Variants in CNTRL observed in about 807,000 individuals in gnomAD.
The protein encoded by CNTRL is 110 kDa centrosomal protein.
CNTRL carries 233 observed loss-of-function variants against 303.7 expected under a neutral mutation model. The observed-to-expected ratio is 0.77, with a 90% CI of 0.69 to 0.86. The LOEUF (loss-of-function observed/expected upper bound fraction) is 0.86, where lower values mean the gene tolerates loss of function less well. CNTRL is among the 40% of genes least tolerant of loss of function. The pLI is 0.00. For missense variants in CNTRL, 2,524 were observed against 2,650.6 expected (o/e 0.95, Z 1.05); for synonymous variants, 900 against 922.2 (o/e 0.98, Z 0.44).
Position 121,158,139 on chromosome 9 carries a change from C to T in CNTRL, c.4764+30C>T, listed in dbSNP as rs1203796397. The T allele has an allele frequency of 1.9e-6, 3 of 1,610,534 alleles. No individual in the cohort carries two copies. In the East Asian group the frequency reaches 6.7e-5, roughly 36 times the overall value. ...GGCAATAGACACCTTGAAAAAACAACTGACACAGCACTTTATGATTATAAA... is the reference window on the plus strand; with the variant it reads ...GGCAATAGACACCTTGAAAAAACAATTGACACAGCACTTTATGATTATAAA... On this transcript the variant is annotated intron_variant, in intron 30 of 43. Transcript: ENST00000373855.
intron 32 of CNTRL, among the ~76,000 whole-genome samples, chr9:121,160,979 A>G (rs551094648): frequency 3.9e-5 from 6 of 152,224 alleles, no homozygotes; most frequent in Non-Finnish European, 7.3e-5. Flanking sequence ...ACCCTGTTCC[A>G]CCACACCCCC....
intron 8 of CNTRL, among the ~76,000 whole-genome samples, chr9:121,108,715 C>T (rs1023343916): frequency 6.6e-6 from 1 of 152,074 alleles, no homozygotes; most frequent in Non-Finnish European, 1.5e-5. Flanking sequence ...GCAAGGATCA[C>T]TTGAGGTCAG....
chr9:121,145,017 A>G lies in CNTRL; in HGVS notation c.3168+58A>G. On this transcript the variant is annotated intron_variant, in intron 21 of 43. Transcript: ENST00000373855. ...TCAGATTCTTATCAGTTCCTAAAAGACAAAATTACTGTAGGTGATGTCTCA... is the reference window on the plus strand; with the variant it reads ...TCAGATTCTTATCAGTTCCTAAAAGGCAAAATTACTGTAGGTGATGTCTCA... The G allele has an allele frequency of 4.2e-6, 6 of 1,419,306 alleles. No homozygotes were observed. In the South Asian group the frequency reaches 5.8e-5, roughly 14 times the overall value. 87.9% of individuals were successfully genotyped at this position (1,419,306 alleles called of 1,614,324 possible).
intron 2 of CNTRL, among the ~76,000 whole-genome samples, chr9:121,084,208 T>G (rs1195466924): frequency 6.6e-6 from 1 of 152,170 alleles, no homozygotes; most frequent in Non-Finnish European, 1.5e-5. Context: ...CTTATAATAT[T>G]TTTTGTCCAA....
chr9:121,174,958 G>C, intron 42 of CNTRL, 60 bp from the exon 43 acceptor site: 2 of 1,456,060 alleles, frequency 1.4e-6, no homozygotes, highest in Admixed American at 3.4e-5. Context: ...TGAGGAAGCT[G>C]AGCGGCAGTT....
intron 25 of CNTRL, among the ~76,000 whole-genome samples, chr9:121,151,592 A>G (rs370309711): frequency 4.6e-5 from 7 of 152,078 alleles, no homozygotes; most frequent in African/African-American, 1.7e-4. Context: ...GGGTTTCACC[A>G]TGTTGGCCAG....
intron 6 of CNTRL, among the ~76,000 whole-genome samples, chr9:121,097,651 G>T (rs941598049): frequency 1.3e-5 from 2 of 152,140 alleles, no homozygotes; most frequent in Non-Finnish European, 2.9e-5. Context: ...TTGATGCTAT[G>T]GGATGATGGG....
intron 7 of CNTRL, among the ~76,000 whole-genome samples, chr9:121,103,350 A>T (rs1051631983): frequency 3.3e-5 from 5 of 152,242 alleles, no homozygotes; most frequent in African/African-American, 1.2e-4. Context: ...AGCCATATGT[A>T]GAAAGCTGAA....
chr9:121,144,857 A>C lies in CNTRL; in HGVS notation c.3066A>C (p.Ala1022=), dbSNP rs1333424822. The change falls in exon 21 of 44, where the codon GCA becomes GCC. Residue 1022 remains alanine (A), a synonymous_variant. Transcript: ENST00000373855. ...NQERAEELQE[A]ERFSRKAAQA... The stretch of plus-strand genomic sequence containing the variant: ...TGTCCCAGTAGGAGTTGCAGGAAGC[A>C]GAGAGGTTCAGCAGAAAGGCAGCAC... 2 of 1,613,120 alleles carry C rather than the reference A, an allele frequency of 1.2e-6. No individual in the cohort carries two copies. Among genetic ancestry groups the C allele is most frequent in the Non-Finnish European group, 1.7e-6 (2 of 1,179,886 alleles).
At chr9:121,121,120 G>A (rs1451493434) in intron 12 of CNTRL, among the ~76,000 whole-genome samples, 2 of 152,150 alleles carry the variant, frequency 1.3e-5, no homozygotes, top group Non-Finnish European at 2.9e-5. Flanking sequence ...TATGTAATCA[G>A]ATGAAGTATC....
intron 5 of CNTRL, among the ~76,000 whole-genome samples, chr9:121,095,329 A>C (rs547353526): frequency 1.3e-5 from 2 of 152,324 alleles, no homozygotes; most frequent in Admixed American, 1.3e-4. Flanking sequence ...TTACCTTATT[A>C]CATTAAGAAT....
chr9:121,147,820 A>T (rs1359817667), intron 23 of CNTRL, among the ~76,000 whole-genome samples: 2 of 152,228 alleles, frequency 1.3e-5, no homozygotes, highest in African/African-American at 4.8e-5. Context: ...ATCCTAAAGG[A>T]AGCCAACTCC....
At chr9:121,164,527 G>A (rs559644820) in intron 34 of CNTRL, among the ~76,000 whole-genome samples, 1 of 152,294 alleles carries the variant, frequency 6.6e-6, no homozygotes, top group East Asian at 1.9e-4. Context: ...TAACTACGTT[G>A]AGTGAAAGAA....
At chr9:121,097,359 G>C (rs2048933019) in intron 6 of CNTRL, among the ~76,000 whole-genome samples, 1 of 152,044 alleles carries the variant, frequency 6.6e-6, no homozygotes, top group African/African-American at 2.4e-5. Flanking sequence ...TAAAACCACT[G>C]TTTGGGGAAA....
chr9:121,157,321 T>C, intron 27 of CNTRL, 149 bp from the exon 28 acceptor site: 1 of 703,226 alleles, frequency 1.4e-6, no homozygotes, highest in East Asian at 2.7e-5. Context: ...TTCTGAATTA[T>C]TTACCGAGAA....
rs370877372 is a variant in CNTRL at position 121,138,542 on chromosome 9, C to T, written c.2203-3C>T. Reference sequence around the variant, plus strand: ...TTCATGTCATTGCTTCCTATGGTGACAGTTAGAACAATCAGCCCTTCAAGC... The same window carrying T: ...TTCATGTCATTGCTTCCTATGGTGATAGTTAGAACAATCAGCCCTTCAAGC... On this transcript the variant is annotated splice_polypyrimidine_tract_variant and splice_region_variant and intron_variant, in intron 15 of 43. Transcript: ENST00000373855. 10 of 1,612,800 alleles carry T rather than the reference C, an allele frequency of 6.2e-6. No individual in the cohort carries two copies. The highest frequency in any genetic ancestry group is 8.5e-6 in the Non-Finnish European group (10 of 1,179,422).
rs192318787 is a variant in CNTRL at position 121,091,800 on chromosome 9, C to T, written c.348+1395C>T. Among the ~76,000 whole-genome samples the T allele has an allele frequency of 5.9e-3, 890 of 151,276 alleles. 36 individuals carry two copies. Among genetic ancestry groups the T allele is most frequent in the Admixed American group, 0.052 (792 of 15,188 alleles). On this transcript the variant is annotated intron_variant, in intron 4 of 43. Coordinates refer to ENST00000373855, the MANE Select transcript of CNTRL (RefSeq NM_007018.6). ...TGGAGGTTGCAGTGAGCCAAGATCGCGCCATTGTACTCTAGCCTGGGCAAC... is the reference window on the plus strand; with the variant it reads ...TGGAGGTTGCAGTGAGCCAAGATCGTGCCATTGTACTCTAGCCTGGGCAAC...
chr9:121,115,033 T>A, intron 10 of CNTRL, 58 bp from the exon 11 acceptor site: 1 of 1,060,404 alleles, frequency 9.4e-7, no homozygotes. Context: ...GGTTGAAATT[T>A]CAGAATTCAA....
intron 15 of CNTRL, among the ~76,000 whole-genome samples, chr9:121,136,276 T>A (rs2051187012): frequency 6.6e-6 from 1 of 152,130 alleles, no homozygotes. Context: ...CAGTTGATAC[T>A]CAATAAATGC....
Sources: allele counts gnomAD v4.1 joint callset (sites outside exome capture counted in the v4.1 genomes callset), GRCh38; gene constraint gnomAD v4.1.1; transcripts MANE v1.5; gene names NCBI Gene and HGNC (gene_info 2026-07-23, HGNC 2026-07-21).